Variants in PCLO observed in about 807,000 individuals in gnomAD.
PCLO encodes piccolo presynaptic cytomatrix protein, also known as protein piccolo.
Under a neutral mutation model 427.5 loss-of-function variants are expected in PCLO, and 82 were observed. The ratio of observed to expected loss-of-function variants is 0.19; its 90% CI spans 0.16 to 0.23. The LOEUF (loss-of-function observed/expected upper bound fraction) is 0.23, where lower values mean the gene tolerates loss of function less well. Ranked by LOEUF, PCLO falls within the 10% of genes least tolerant of loss-of-function variation. The probability of loss-of-function intolerance (pLI) is 1.00; values close to 1 mark genes in which losing one functional copy is unlikely to be tolerated. For missense variants in PCLO, 6,239 were observed against 6,115.9 expected (o/e 1.02, Z -0.67); for synonymous variants, 2,357 against 2,155.4 (o/e 1.09, Z -2.59).
chr7:82,954,453 G>C lies in PCLO; in HGVS notation c.6500C>G (p.Ser2167Trp). 6.2e-7 allele frequency: 1 copy of C among 1,613,920 alleles called. No homozygotes were observed. The highest frequency in any genetic ancestry group is 8.5e-7 in the Non-Finnish European group (1 of 1,179,830). The change falls in exon 5 of 25, where the codon TCG becomes TGG. Residue 2167 changes from serine to tryptophan, a missense_variant. Ser to Trp is a radical substitution (Grantham distance 177). This residue lies in a region of PCLO where 4,677 missense variants were observed against 4,468.4 expected (regional missense o/e 1.05). Transcript: ENST00000333891. ...AGATGTAGCACTTTCTGAAGGCTCC[G>C]AGTAGGTCAAAATCAGCGATTCATG... ...IAHESLILTY[S>W]EPSESATSVP...
At chr7:83,001,549 A>C (rs1787824830) in intron 3 of PCLO, among the ~76,000 whole-genome samples, 1 of 150,818 alleles carries the variant, frequency 6.6e-6, no homozygotes, top group South Asian at 2.1e-4. Context: ...AAGAAAGAAA[A>C]CCTTGGTGAC....
chr7:83,093,817 A>G (rs1459083877), intron 3 of PCLO, among the ~76,000 whole-genome samples: 1 of 146,356 alleles, frequency 6.8e-6, no homozygotes, highest in Non-Finnish European at 1.5e-5. Context: ...AAAAAAAAAA[A>G]AAAAAATCCT....
intron 3 of PCLO, among the ~76,000 whole-genome samples, chr7:83,071,121 C>T (rs948689220): frequency 6.6e-6 from 1 of 151,758 alleles, no homozygotes; most frequent in Non-Finnish European, 1.5e-5. Context: ...ATTATATTCA[C>T]ACTGTTGTGC....
Position 82,999,101 on chromosome 7 carries a change from A to G in PCLO, c.3301-32614T>C, listed in dbSNP as rs186684466. On this transcript the variant is annotated intron_variant, in intron 3 of 24. Transcript: ENST00000333891. ...GTGGGCAAATTAAAGAATCTCTGAGATTAAATATCAAGAATATATCAATAG... is the reference window on the plus strand; with the variant it reads ...GTGGGCAAATTAAAGAATCTCTGAGGTTAAATATCAAGAATATATCAATAG... 2.7e-5 allele frequency among the ~76,000 whole-genome samples: 4 copies of G among 149,964 alleles called. No individual in the cohort carries two copies. In the East Asian group the frequency reaches 7.8e-4, roughly 29 times the overall value.
At chr7:83,156,424 AGT>A in intron 1 of PCLO, 32 bp from the exon 2 acceptor site, 1 of 1,271,200 alleles carries the variant, frequency 7.9e-7, no homozygotes, top group African/African-American at 1.5e-5. Context: ...AAAAAAATCA[AGT>A]GAAAATAATG....
intron 3 of PCLO, among the ~76,000 whole-genome samples, chr7:83,076,473 G>C (rs1193890051): frequency 6.6e-6 from 1 of 152,000 alleles, no homozygotes; most frequent in Non-Finnish European, 1.5e-5. Flanking sequence ...ATGTTGGCCA[G>C]GCTGGTCTTG....
intron 9 of PCLO, among the ~76,000 whole-genome samples, chr7:82,885,208 C>A (rs568178343): frequency 1.3e-5 from 2 of 152,122 alleles, no homozygotes; most frequent in African/African-American, 4.8e-5. Context: ...TACTCCTGGC[C>A]TTCAAGAAGT....
intron 2 of PCLO, among the ~76,000 whole-genome samples, chr7:83,145,847 C>T (rs932110074): frequency 2.0e-5 from 3 of 152,134 alleles, no homozygotes; most frequent in African/African-American, 7.2e-5. Context: ...AATCACACAA[C>T]AAATAAGTAG....
At chr7:82,786,670 C>G (rs1196919217) in intron 22 of PCLO, among the ~76,000 whole-genome samples, 1 of 152,032 alleles carries the variant, frequency 6.6e-6, no homozygotes, top group Non-Finnish European at 1.5e-5. Flanking sequence ...ATACACGTGC[C>G]ATGGTGGTTT....
rs1790413990 is a variant in PCLO at position 82,760,764 on chromosome 7, C to T, written c.15163G>A (p.Val5055Met). ...HLPDLYVKIY[V>M]MNISTQKKVI... ...TTTTTTTGGGTAGAAATATTCATCA[C>T]ATATATTTTCACATATAAATCTGAA... is the stretch of plus-strand genomic sequence containing the variant. The change falls in exon 24 of 25, where the codon GTG becomes ATG. Residue 5055 changes from valine to methionine, a missense_variant. Coordinates refer to ENST00000333891, the MANE Select transcript of PCLO (RefSeq NM_033026.6). The T allele has an allele frequency of 2.0e-6, 3 of 1,467,242 alleles. No individual in the cohort carries two copies. Among genetic ancestry groups the T allele is most frequent in the Non-Finnish European group, 2.8e-6 (3 of 1,059,570 alleles). 90.9% of individuals were successfully genotyped at this position (1,467,242 alleles called of 1,614,324 possible).
At chr7:83,106,770 T>A (rs572478072) in intron 3 of PCLO, among the ~76,000 whole-genome samples, 2 of 152,274 alleles carry the variant, frequency 1.3e-5, no homozygotes, top group South Asian at 4.1e-4. Flanking sequence ...CCCAGAAGTA[T>A]GTCTCAAGTA....
intron 3 of PCLO, among the ~76,000 whole-genome samples, chr7:83,077,709 T>C (rs185362662): frequency 1.4e-4 from 22 of 152,248 alleles, no homozygotes; most frequent in Admixed American, 1.4e-3. Flanking sequence ...TGTTCTGACT[T>C]GAGTAGTTTC....
At chr7:83,082,009 T>C (rs9656536) in intron 3 of PCLO, among the ~76,000 whole-genome samples, 42,666 of 151,438 alleles carry the variant, frequency 0.28, 7,085 homozygotes, top group East Asian at 0.56. Flanking sequence ...AGTTTCTGTT[T>C]ATATATGAAA....
intron 20 of PCLO, 143 bp from the exon 21 acceptor site, chr7:82,805,972 C>T (rs1791450163): frequency 2.2e-5 from 16 of 736,654 alleles, no homozygotes; most frequent in Admixed American, 8.3e-5. Context: ...CCCGCCTTTT[C>T]GTTTCCTTTA....
chr7:83,110,165 T>C (rs1482803783), intron 3 of PCLO, among the ~76,000 whole-genome samples: 1 of 151,552 alleles, frequency 6.6e-6, no homozygotes, highest in Non-Finnish European at 1.5e-5. Flanking sequence ...GCTGTAAATG[T>C]AGGCCTTTAC....
At chr7:83,069,888 G>A (rs1318337992) in intron 3 of PCLO, among the ~76,000 whole-genome samples, 1 of 149,938 alleles carries the variant, frequency 6.7e-6, no homozygotes, top group Admixed American at 6.7e-5. Context: ...GGAGGGAAAA[G>A]TACACCTTCG....
intron 1 of PCLO, among the ~76,000 whole-genome samples, chr7:83,158,494 C>T (rs550658010): frequency 6.6e-6 from 1 of 151,114 alleles, no homozygotes; most frequent in Non-Finnish European, 1.5e-5. Flanking sequence ...GTACAGAGTC[C>T]TATAAATCTA....
At chr7:82,826,740 T>C in intron 17 of PCLO, 80 bp from the exon 18 acceptor site, 1 of 817,330 alleles carries the variant, frequency 1.2e-6, no homozygotes, top group Non-Finnish European at 1.9e-6. Context: ...TAGACATATT[T>C]ATTTTTTTCC....
chr7:82,851,064 A>G (rs1001945770), intron 10 of PCLO, among the ~76,000 whole-genome samples: 7 of 152,142 alleles, frequency 4.6e-5, no homozygotes, highest in Admixed American at 6.6e-5. Context: ...GTGACTATAA[A>G]TAGATAAAAC....
Sources: allele counts gnomAD v4.1 joint callset (sites outside exome capture counted in the v4.1 genomes callset), GRCh38; gene constraint gnomAD v4.1.1; regional missense constraint gnomAD v4.1.1; transcripts MANE v1.5; gene names NCBI Gene and HGNC (gene_info 2026-07-23, HGNC 2026-07-21).